PIWIL1: variants seen among roughly 807,000 people sequenced by gnomAD.
PIWIL1 encodes piwi like RNA-mediated gene silencing 1, also known as piwi-like protein 1.
In PIWIL1, 73 loss-of-function variants were observed where a neutral mutation model predicts 114.4. The observed-to-expected ratio is 0.64, with a 90% CI of 0.53 to 0.78. The LOEUF (loss-of-function observed/expected upper bound fraction) is 0.78. PIWIL1 is among the 30% of genes least tolerant of loss of function. PIWIL1 has a pLI of 0.00. For synonymous variants in PIWIL1, 375 were observed against 369.0 expected (o/e 1.02, Z -0.19); for missense variants, 723 against 1,063.1 (o/e 0.68, Z 4.45).
chr12:130,419,231 C>G, the PIWIL1 span, among the ~76,000 whole-genome samples: 1 of 152,172 alleles, frequency 6.6e-6, no homozygotes, highest in African/African-American at 2.4e-5. The surrounding 1 kb of genome is among the most constrained non-coding windows in gnomAD (Gnocchi z 4.3). Flanking sequence ...AAGCACTTAC[C>G]TACAGCTGTC....
chr12:130,369,365 A>G (rs1478200337), intron 19 of PIWIL1, among the ~76,000 whole-genome samples: 1 of 152,170 alleles, frequency 6.6e-6, no homozygotes, highest in Non-Finnish European at 1.5e-5. Context: ...ATACATGTGC[A>G]TGTATCTTTA....
At position 130,371,672 on chromosome 12, in the gene PIWIL1, T is replaced by A. The variant is rs1418013368; in HGVS notation, c.*74T>A. On this transcript the variant is annotated 3_prime_UTR_variant, in exon 21 of 21. Coordinates refer to ENST00000245255, the MANE Select transcript of PIWIL1 (RefSeq NM_004764.5). ...TTTTTTTAAGCTTTTATTTACTTTT[T>A]TTTTAACTGTTATCTTTCTGGATGA... 1.1e-6 allele frequency: 1 copy of A among 910,920 alleles called. No individual in the cohort carries two copies. Among genetic ancestry groups the A allele is most frequent in the Non-Finnish European group, 1.7e-6 (1 of 578,818 alleles). 56.4% of individuals were successfully genotyped at this position (910,920 alleles called of 1,614,324 possible).
chr12:130,352,887 G>C (rs181236288), intron 9 of PIWIL1, among the ~76,000 whole-genome samples: 1 of 152,306 alleles, frequency 6.6e-6, no homozygotes, highest in African/African-American at 2.4e-5. Context: ...ACTGTTCCCA[G>C]ACTCCTCATT....
the PIWIL1 span, among the ~76,000 whole-genome samples, chr12:130,413,863 G>A: frequency 6.6e-6 from 1 of 152,014 alleles, no homozygotes; most frequent in Non-Finnish European, 1.5e-5. Flanking sequence ...TCTCAACAAC[G>A]TAGGCCCTAA....
At chr12:130,374,523 A>G (rs910637195), downstream of PIWIL1, among the ~76,000 whole-genome samples, 1 of 151,910 alleles carries the variant, frequency 6.6e-6, no homozygotes, top group Admixed American at 6.6e-5. Context: ...GAGTAAGATG[A>G]CTCTTCTCTC....
At chr12:130,417,825 T>C in the PIWIL1 span, among the ~76,000 whole-genome samples, 3 of 152,074 alleles carry the variant, frequency 2.0e-5, no homozygotes, top group South Asian at 6.2e-4. Flanking sequence ...CATCATTAGA[T>C]AGATGTGTAC....
chr12:130,394,611 G>A, the PIWIL1 span, among the ~76,000 whole-genome samples: 6 of 151,702 alleles, frequency 4.0e-5, no homozygotes, highest in South Asian at 2.1e-4. Flanking sequence ...CCTCTACCTC[G>A]GGGCCACAGA....
At chr12:130,424,867 G>A in the PIWIL1 span, 3 of 1,230,550 alleles carry the variant, frequency 2.4e-6, no homozygotes, top group Non-Finnish European at 3.0e-6. The surrounding 1 kb of genome is among the most constrained non-coding windows in gnomAD (Gnocchi z 9.8). Flanking sequence ...TCCTTACGGG[G>A]TGGTGTGTCA....
chr12:130,424,274 CCTGGGGGGCGGCCTCTCCGGGCCGGG>C, the PIWIL1 span: 1 of 1,231,750 alleles, frequency 8.1e-7, no homozygotes, highest in Non-Finnish European at 1.0e-6. This position sits in a 1 kb window ranked among gnomAD's most constrained non-coding sequence, Gnocchi z 9.8. Flanking sequence ...AGCCGTGCTT[CCTGGGGGGCGGCCTCTCCGGGCCGGG>C]CTGGGGGTCG....
chr12:130,424,780 GTC>G, the PIWIL1 span: 4 of 1,232,742 alleles, frequency 3.2e-6, no homozygotes. This position sits in a 1 kb window ranked among gnomAD's most constrained non-coding sequence, Gnocchi z 9.8. Flanking sequence ...ATACTGAAAA[GTC>G]TCTTCCTGTG....
the PIWIL1 span, among the ~76,000 whole-genome samples, chr12:130,394,437 C>G: frequency 1.3e-5 from 2 of 152,172 alleles, no homozygotes; most frequent in Non-Finnish European, 2.9e-5. Context: ...AAACGGTTTT[C>G]TTTTCAAAAT....
chr12:130,402,232 A>C, the PIWIL1 span, among the ~76,000 whole-genome samples: 7 of 152,300 alleles, frequency 4.6e-5, no homozygotes, highest in East Asian at 1.4e-3. Flanking sequence ...GGAGAGGCTC[A>C]GAGGTCCTGT....
At chr12:130,339,365 T>A (rs992485110) in intron 1 of PIWIL1, 2 of 152,128 alleles carry the variant, frequency 1.3e-5, no homozygotes, top group African/African-American at 4.8e-5. Context: ...TCTGAGCGCT[T>A]TTCTTTTCGT....
At chr12:130,395,960 G>C in the PIWIL1 span, among the ~76,000 whole-genome samples, 330 of 151,220 alleles carry the variant, frequency 2.2e-3, 5 homozygotes, top group East Asian at 0.039. Flanking sequence ...GGTAGTATGA[G>C]AGTGTCACAA....
chr12:130,413,526 G>A, the PIWIL1 span, among the ~76,000 whole-genome samples: 4 of 151,542 alleles, frequency 2.6e-5, no homozygotes, highest in East Asian at 5.9e-4. Flanking sequence ...CCAGCTACTC[G>A]GGAGGCTGAG....
At chr12:130,369,654 CT>C (rs2073766300) in intron 19 of PIWIL1, among the ~76,000 whole-genome samples, 1 of 152,106 alleles carries the variant, frequency 6.6e-6, no homozygotes. Flanking sequence ...TGATGTTGAG[CT>C]TTTTCATGTA....
At chr12:130,420,390 CT>C in the PIWIL1 span, among the ~76,000 whole-genome samples, 1 of 152,328 alleles carries the variant, frequency 6.6e-6, no homozygotes, top group African/African-American at 2.4e-5. The surrounding 1 kb of genome is among the most constrained non-coding windows in gnomAD (Gnocchi z 4.3). Context: ...TGTTCAGAGG[CT>C]TTTTCCTTGT....
intron 5 of PIWIL1, 80 bp downstream of exon 5, chr12:130,346,664 A>G (rs2073077060): frequency 8.3e-7 from 1 of 1,207,982 alleles, no homozygotes; most frequent in East Asian, 2.3e-5. Context: ...CATGGCTTTT[A>G]GAGAGGCCCC....
the PIWIL1 span, among the ~76,000 whole-genome samples, chr12:130,423,232 T>C: frequency 1.3e-5 from 2 of 152,186 alleles, no homozygotes; most frequent in African/African-American, 4.8e-5. Context: ...GAGGAAGTTC[T>C]CAGGAACACA....
Sources: gnomAD v4.1 joint callset for allele counts (sites outside exome capture counted in the v4.1 genomes callset) on GRCh38, gnomAD v4.1.1 for gene constraint, Gnocchi (gnomAD v3.1) non-coding constraint, MANE v1.5 for transcripts, NCBI Gene and HGNC (gene_info 2026-07-23, HGNC 2026-07-21) for gene names.